The following XKR4 variants were observed in gnomAD, a reference collection of about 807,000 sequenced individuals.
XKR4 encodes XK-related protein 4.
In XKR4, 12 loss-of-function variants were observed where a neutral mutation model predicts 53.9. The observed-to-expected ratio is 0.22, with a 90% CI of 0.14 to 0.36. XKR4 has a LOEUF of 0.36. Among genes scored for constraint, XKR4 ranks in the 10% least tolerant of loss-of-function variants. The pLI is 1.00. For missense variants in XKR4, 799 were observed against 859.5 expected, an observed-to-expected ratio of 0.93 and a Z score of 0.88; for synonymous variants, 354 against 362.4, an observed-to-expected ratio of 0.98 and a Z score of 0.26.
chr8:55,102,655 C>T lies in XKR4; in HGVS notation c.167C>T (p.Pro56Leu), dbSNP rs557951243. Residue 56 changes from proline to leucine, a missense_variant, in exon 1 of 3, where the codon CCG (proline) becomes CTG (leucine). This residue lies in a region of XKR4 where 476 missense variants were observed against 505.4 expected (regional missense o/e 0.94). Coordinates refer to ENST00000327381, the MANE Select transcript of XKR4 (RefSeq NM_052898.2). This position sits in a 1 kb window ranked among gnomAD's most constrained non-coding sequence, Gnocchi z 5.1. ...GAGGCGGCCGGGGGCGGCTGCTGCC[C>T]GGACGGCGGCGGCTGCTCGCGCTGC... Reference protein sequence around the residue: ...DEEAAGGGCCPDGGGCSRCCC... With the variant: ...DEEAAGGGCCLDGGGCSRCCC... 4 of 1,279,850 alleles carry T rather than the reference C, an allele frequency of 3.1e-6. No individual in the cohort carries two copies. Among genetic ancestry groups the T allele is most frequent in the Non-Finnish European group, 4.0e-6 (4 of 1,003,528 alleles). 79.3% of individuals were successfully genotyped at this position (1,279,850 alleles called of 1,614,324 possible).
At chr8:55,302,367 G>T (rs1432966213) in intron 1 of XKR4, among the ~76,000 whole-genome samples, 2,033 of 88,266 alleles carry the variant, frequency 0.023, no homozygotes, top group Admixed American at 0.034. Flanking sequence ...CTCTGTTTTG[G>T]TACCAGTACC....
intron 2 of XKR4, among the ~76,000 whole-genome samples, chr8:55,384,166 A>G (rs548190708): frequency 1.7e-4 from 26 of 152,322 alleles, no homozygotes; most frequent in African/African-American, 6.0e-4. Context: ...AGGAAGGACA[A>G]TCTGTCCTGT....
chr8:55,336,071 CA>C (rs1287228584), intron 1 of XKR4, among the ~76,000 whole-genome samples: 4 of 126,612 alleles, frequency 3.2e-5, no homozygotes, highest in African/African-American at 8.8e-5. Context: ...AAAAGAAAAA[CA>C]GAGTACTTAT....
At chr8:55,407,910 T>C (rs1804711064) in intron 2 of XKR4, among the ~76,000 whole-genome samples, 1 of 152,158 alleles carries the variant, frequency 6.6e-6, no homozygotes, top group African/African-American at 2.4e-5. Flanking sequence ...AGAAAGGCCT[T>C]AAAGAGACCA....
intron 2 of XKR4, among the ~76,000 whole-genome samples, chr8:55,457,624 G>A (rs1286398536): frequency 6.6e-6 from 1 of 152,202 alleles, no homozygotes; most frequent in Non-Finnish European, 1.5e-5. Flanking sequence ...ATTCCCAGCA[G>A]CTTAGGCTTA....
At chr8:55,407,137 T>C (rs139758595) in intron 2 of XKR4, among the ~76,000 whole-genome samples, 1 of 152,102 alleles carries the variant, frequency 6.6e-6, no homozygotes, top group Non-Finnish European at 1.5e-5. Context: ...GCTGCAGGAC[T>C]CCAAATGAAC....
At chr8:55,487,526 G>C (rs1344664195) in intron 2 of XKR4, among the ~76,000 whole-genome samples, 1 of 151,564 alleles carries the variant, frequency 6.6e-6, no homozygotes, top group Non-Finnish European at 1.5e-5. Context: ...GAGCACAGCG[G>C]AACAATCCTG....
rs569159798 is a variant in XKR4, at chr8:55,424,775, T to A, written c.1006+66898T>A. ...AATAGGTATTTGTTGATGAATAGAG[T>A]TCAGTCCCTGTGAATGGGACTTCAT... On this transcript the variant is annotated intron_variant, in intron 2 of 2. Coordinates refer to ENST00000327381, the MANE Select transcript of XKR4 (RefSeq NM_052898.2). Among the ~76,000 whole-genome samples the A allele has an allele frequency of 4.0e-5, 6 of 151,558 alleles. No homozygotes were observed. In the South Asian group the frequency reaches 1.3e-3, roughly 32 times the overall value.
intron 1 of XKR4, among the ~76,000 whole-genome samples, chr8:55,342,695 C>A (rs1466901506): frequency 6.6e-6 from 1 of 152,180 alleles, no homozygotes; most frequent in Non-Finnish European, 1.5e-5. Flanking sequence ...GGCTTGCTTC[C>A]TCTTCCTCCT....
chr8:55,506,304 G>T (rs1380763063), intron 2 of XKR4, among the ~76,000 whole-genome samples: 4 of 152,220 alleles, frequency 2.6e-5, no homozygotes, highest in Non-Finnish European at 4.4e-5. Flanking sequence ...AGATCAAATA[G>T]ATAGGCCTGA....
At chr8:55,458,186 A>C (rs1805598805) in intron 2 of XKR4, among the ~76,000 whole-genome samples, 1 of 152,266 alleles carries the variant, frequency 6.6e-6, no homozygotes, top group African/African-American at 2.4e-5. Flanking sequence ...AACAGTTTTG[A>C]ATAAGAAATA....
At chr8:55,411,108 ATTAG>A (rs1382664357) in intron 2 of XKR4, among the ~76,000 whole-genome samples, 2 of 152,350 alleles carry the variant, frequency 1.3e-5, no homozygotes, top group African/African-American at 4.8e-5. Context: ...TTGTACTAAC[ATTAG>A]TTAGCACAAG....
chr8:55,370,277 G>GTCAATTTC (rs1356699212), intron 2 of XKR4, among the ~76,000 whole-genome samples: 2 of 152,154 alleles, frequency 1.3e-5, no homozygotes, highest in Non-Finnish European at 2.9e-5. Flanking sequence ...AGTCAGTGAG[G>GTCAATTTC]TCAATAAAGG....
intron 1 of XKR4, among the ~76,000 whole-genome samples, chr8:55,230,147 C>G (rs1458779927): frequency 1.3e-5 from 2 of 152,184 alleles, no homozygotes; most frequent in African/African-American, 2.4e-5. Flanking sequence ...CTTCTCTGTT[C>G]ATGTTACTCC....
At chr8:55,184,248 G>A (rs1294094347) in intron 1 of XKR4, among the ~76,000 whole-genome samples, 1 of 152,244 alleles carries the variant, frequency 6.6e-6, no homozygotes, top group South Asian at 2.1e-4. Context: ...TCCATCCTTA[G>A]TGTTCTCATG....
chr8:55,170,966 T>G (rs2129358444), intron 1 of XKR4, among the ~76,000 whole-genome samples: 2 of 152,310 alleles, frequency 1.3e-5, no homozygotes, highest in South Asian at 4.1e-4. Flanking sequence ...CAGTATTATC[T>G]GATAATTTCC....
Position 55,536,272 on chromosome 8 carries a change from A to G in XKR4, c.*12045A>G, listed in dbSNP as rs951703646. On this transcript the variant is annotated 3_prime_UTR_variant, in exon 3 of 3. Coordinates refer to ENST00000327381, the MANE Select transcript of XKR4 (RefSeq NM_052898.2). The stretch of plus-strand genomic sequence containing the variant: ...ATGAACAGTTAAGCAATTTTTCAAC[A>G]TAGACAAAACCACTGGACCATTGAT... 3.3e-5 allele frequency: 5 copies of G among 152,250 alleles called. No individual in the cohort carries two copies. Among genetic ancestry groups the G allele is most frequent in the Non-Finnish European group, 2.9e-5 (2 of 68,040 alleles). 9.4% of individuals were successfully genotyped at this position (152,250 alleles called of 1,614,324 possible).
chr8:55,378,167 A>G (rs1004756732), intron 2 of XKR4, among the ~76,000 whole-genome samples: 5 of 152,232 alleles, frequency 3.3e-5, no homozygotes, highest in Non-Finnish European at 7.3e-5. Flanking sequence ...TGTGTAGAAT[A>G]TGAAATAGTA....
rs762471176 is a variant in XKR4 at position 55,524,202 on chromosome 8, G to T, written c.1928G>T (p.Arg643Leu). The change falls in exon 3 of 3, where the codon CGG (arginine) becomes CTG (leucine). Residue 643 changes from arginine (R) to leucine (L), a missense_variant. This residue lies in a region of XKR4 where 269 missense variants were observed against 264.4 expected (regional missense o/e 1.02). Coordinates refer to ENST00000327381, the MANE Select transcript of XKR4 (RefSeq NM_052898.2). ...AAAGATGATGCCCTTATTCAGGAGC[G>T]GTTGGAGTACGAAACCACTTTATAA... is the stretch of plus-strand genomic sequence containing the variant. ...QYKDDALIQERLEYETTL is the reference protein window; with the variant it reads ...QYKDDALIQELLEYETTL 6.2e-7 allele frequency: 1 copy of T among 1,613,806 alleles called. No homozygotes were observed. Among genetic ancestry groups the T allele is most frequent in the Admixed American group, 1.7e-5 (1 of 60,004 alleles).
Sources: allele counts gnomAD v4.1 joint callset (sites outside exome capture counted in the v4.1 genomes callset), GRCh38; gene constraint gnomAD v4.1.1; regional missense constraint gnomAD v4.1.1; non-coding constraint Gnocchi (gnomAD v3.1); transcripts MANE v1.5; gene names NCBI Gene and HGNC (gene_info 2026-07-23, HGNC 2026-07-21).